Variants in MAP3K4 observed in about 807,000 individuals in gnomAD.
MAP3K4 encodes the protein MAP three kinase 1.
A neutral mutation model predicts 185.6 loss-of-function variants in MAP3K4; 67 were observed. The observed-to-expected ratio is 0.36, with a 90% confidence interval of 0.30 to 0.44. The LOEUF (loss-of-function observed/expected upper bound fraction) is 0.44, where lower values mean the gene tolerates loss of function less well. Among genes scored for constraint, MAP3K4 ranks in the 20% least tolerant of loss-of-function variants. MAP3K4 has a pLI of 1.00. For synonymous variants in MAP3K4, 702 were observed against 710.4 expected (o/e 0.99, Z 0.19); for missense variants, 1,551 against 1,995.1 (o/e 0.78, Z 4.24).
rs1333246116 is a variant in MAP3K4, at chr6:161,103,800, G to T, written c.3856+1021G>T. ...GCAGATTGGTTAAAATGCCATTGCAGAAATTCAGTATAAATAATACGATAC... is the reference window on the plus strand; with the variant it reads ...GCAGATTGGTTAAAATGCCATTGCATAAATTCAGTATAAATAATACGATAC... On this transcript the variant is annotated intron_variant, in intron 19 of 26. Coordinates refer to ENST00000392142, the MANE Select transcript of MAP3K4 (RefSeq NM_005922.4). The surrounding 1 kb of genome is among the most constrained non-coding windows in gnomAD (Gnocchi z 4.6). Among the ~76,000 whole-genome samples the T allele has an allele frequency of 3.3e-5, 5 of 152,196 alleles. No individual in the cohort carries two copies. The highest frequency in any genetic ancestry group is 5.9e-5 in the Non-Finnish European group (4 of 68,042).
At chr6:161,015,751 C>G (rs1207509458) in intron 1 of MAP3K4, among the ~76,000 whole-genome samples, 1 of 152,082 alleles carries the variant, frequency 6.6e-6, no homozygotes, top group Non-Finnish European at 1.5e-5. Flanking sequence ...GTAGCGCTTG[C>G]TAGCACTCAT....
rs1369665586 is a variant in MAP3K4 at position 161,038,772 on chromosome 6, T to C, written c.343+4323T>C. Among the ~76,000 whole-genome samples the C allele has an allele frequency of 2.7e-4, 41 of 152,226 alleles. 1 individual carries two copies. The highest frequency in any genetic ancestry group is 2.7e-3 in the Admixed American group (41 of 15,284). ...TTGGCTGGAAACATCCTGGCTTGGC[T>C]GGGGCCCTAAGTCTGAGCCCTCATT... is the stretch of plus-strand genomic sequence containing the variant. On this transcript the variant is annotated intron_variant, in intron 2 of 26. Transcript: ENST00000392142.
chr6:161,020,839 G>A (rs1382635268), intron 1 of MAP3K4, among the ~76,000 whole-genome samples: 4 of 152,094 alleles, frequency 2.6e-5, no homozygotes, highest in African/African-American at 7.2e-5. Context: ...ATGATACACT[G>A]TTAGACATTT....
chr6:161,030,774 T>G (rs1288175639), intron 1 of MAP3K4, among the ~76,000 whole-genome samples: 1 of 152,218 alleles, frequency 6.6e-6, no homozygotes, highest in Admixed American at 6.5e-5. Context: ...GCTAGACTCT[T>G]TTTAAAAGAA....
At position 161,106,729 on chromosome 6, in the gene MAP3K4, G is replaced by A. The variant is rs376419999; in HGVS notation, c.4048+24G>A. 1.7e-5 allele frequency: 26 copies of A among 1,573,700 alleles called. No homozygotes were observed. Among genetic ancestry groups the A allele is most frequent in the Admixed American group, 3.5e-5 (2 of 57,760 alleles). On this transcript the variant is annotated intron_variant, in intron 20 of 26. Coordinates refer to ENST00000392142, the MANE Select transcript of MAP3K4 (RefSeq NM_005922.4). The surrounding 1 kb of genome is among the most constrained non-coding windows in gnomAD (Gnocchi z 4.9). ...TGGTAAGGAAATTAAGGAGCATGAT[G>A]TCAAGATAGTCCCTGTTAGAAGTAG...
rs888016053 is a variant in MAP3K4 at position 161,022,135 on chromosome 6, A to G, written c.153-12124A>G. The G allele has an allele frequency of 6.6e-6, 1 of 152,218 alleles. No homozygotes were observed. The highest frequency in any genetic ancestry group is 1.5e-5 in the Non-Finnish European group (1 of 68,026). 9.4% of individuals were successfully genotyped at this position (152,218 alleles called of 1,614,324 possible). A position where few individuals can be genotyped will look rare whatever the true frequency, so the allele number is the denominator to read the frequency against. On this transcript the variant is annotated intron_variant, in intron 1 of 26. Transcript: ENST00000392142. This position sits in a 1 kb window ranked among gnomAD's most constrained non-coding sequence, Gnocchi z 4.2. ...CCGGCACACACCCAGGCTCATGTGA[A>G]AGGAACGGAGACTCAAGCCTGATCT...
At position 161,034,897 on chromosome 6, in the gene MAP3K4, T is replaced by G. The variant is rs1273104493; in HGVS notation, c.343+448T>G. Among the ~76,000 whole-genome samples the G allele has an allele frequency of 6.6e-6, 1 of 152,142 alleles. No homozygotes were observed. Among genetic ancestry groups the G allele is most frequent in the Non-Finnish European group, 1.5e-5 (1 of 68,024 alleles). On this transcript the variant is annotated intron_variant, in intron 2 of 26. Coordinates refer to ENST00000392142, the MANE Select transcript of MAP3K4 (RefSeq NM_005922.4). The surrounding 1 kb of genome is among the most constrained non-coding windows in gnomAD (Gnocchi z 4.4). ...TCTCTGCTGGTGCCCCGGGGTGCTA[T>G]CTTTAGTGTGTAGGGCTCTCTTTTT... is the stretch of plus-strand genomic sequence containing the variant.
At position 161,106,519 on chromosome 6, in the gene MAP3K4, G is replaced by A; in HGVS notation, c.3862G>A (p.Ala1288Thr). 1 of 1,606,536 alleles carries A rather than the reference G, an allele frequency of 6.2e-7. No individual in the cohort carries two copies. Among genetic ancestry groups the A allele is most frequent in the African/African-American group, 1.3e-5 (1 of 74,474 alleles). ...GGTTTTGGTTCTCTCTGCAGATACTGCTTCTAAACTAGGACCCATAGAAGC... is the reference window on the plus strand; with the variant it reads ...GGTTTTGGTTCTCTCTGCAGATACTACTTCTAAACTAGGACCCATAGAAGC... ...RTLISQSKDT[A>T]SKLGPIEAIQ... Residue 1288 changes from alanine (A) to threonine (T), a missense_variant, in exon 20 of 27, where the codon GCT (alanine) becomes ACT (threonine). Transcript: ENST00000392142. The surrounding 1 kb of genome is among the most constrained non-coding windows in gnomAD (Gnocchi z 4.9).
In MAP3K4 at chr6:161,107,442, G is replaced by C. The variant is rs1351322461; in HGVS notation, c.4049-457G>C. Among the ~76,000 whole-genome samples the C allele has an allele frequency of 1.3e-5, 2 of 152,104 alleles. No individual in the cohort carries two copies. Among genetic ancestry groups the C allele is most frequent in the African/African-American group, 4.8e-5 (2 of 41,416 alleles). ...GTCTTGTCCAGGCACATATCCTCTT[G>C]CTTTAATGTCCCAGAAGGTATGTTA... On this transcript the variant is annotated intron_variant, in intron 20 of 26. Coordinates refer to ENST00000392142, the MANE Select transcript of MAP3K4 (RefSeq NM_005922.4). This position sits in a 1 kb window ranked among gnomAD's most constrained non-coding sequence, Gnocchi z 6.2.
Position 161,102,679 on chromosome 6 carries a change from A to G in MAP3K4, c.3776-20A>G, listed in dbSNP as rs756929341. On this transcript the variant is annotated intron_variant, in intron 18 of 26. Transcript: ENST00000392142. ...ATTTATTTCATAAATCTTAATTTGT[A>G]TAAAAATAACTTCCTGCAGAACCAG... is the stretch of plus-strand genomic sequence containing the variant. The G allele has an allele frequency of 2.0e-6, 3 of 1,499,094 alleles. No individual in the cohort carries two copies. The highest frequency in any genetic ancestry group is 1.3e-5 in the South Asian group (1 of 79,664). The allele number at this position is 1,499,094 out of a possible 1,614,324, so 92.9% of individuals were successfully genotyped here.
At chr6:161,038,284 C>T (rs1783277336) in intron 2 of MAP3K4, among the ~76,000 whole-genome samples, 2 of 152,170 alleles carry the variant, frequency 1.3e-5, no homozygotes, top group Admixed American at 1.3e-4. Flanking sequence ...AAGACCTGGG[C>T]TTGGGAAGAC....
At position 161,034,316 on chromosome 6, in the gene MAP3K4, C is replaced by T. The variant is rs768724331; in HGVS notation, c.210C>T (p.Asp70=). The T allele has an allele frequency of 1.2e-6, 2 of 1,614,022 alleles. No individual in the cohort carries two copies. Among genetic ancestry groups the T allele is most frequent in the South Asian group, 1.1e-5 (1 of 91,074 alleles). ...AGAGTCCTGAATCTGATCTAGAAGA[C>T]TTCTCCGATGAAACAAATACAGAGA... is the stretch of plus-strand genomic sequence containing the variant. The part of the protein sequence containing the change: ...ACKSPESDLE[D]FSDETNTENL... The change falls in exon 2 of 27, where the codon GAC becomes GAT. Residue 70 remains aspartate (D), a synonymous_variant. Transcript: ENST00000392142. The surrounding 1 kb of genome is among the most constrained non-coding windows in gnomAD (Gnocchi z 4.4).
At chr6:161,050,060 CT>C in intron 3 of MAP3K4, 81 bp downstream of exon 3, 1 of 1,343,448 alleles carries the variant, frequency 7.4e-7, no homozygotes, top group African/African-American at 1.5e-5. Flanking sequence ...GTGTTATGTA[CT>C]TTCATATTCT....
Position 161,096,486 on chromosome 6 carries a change from A to G in MAP3K4, c.3428-594A>G, listed in dbSNP as rs1302899083. Among the ~76,000 whole-genome samples the G allele has an allele frequency of 1.3e-5, 2 of 152,202 alleles. No individual in the cohort carries two copies. Among genetic ancestry groups the G allele is most frequent in the Admixed American group, 1.3e-4 (2 of 15,282 alleles). On this transcript the variant is annotated intron_variant, in intron 15 of 26. Transcript: ENST00000392142. The surrounding 1 kb of genome is among the most constrained non-coding windows in gnomAD (Gnocchi z 4.9). ...TCAGCATATTTGTAATCACTAGGTA[A>G]GATCTCTAATTTTAAATTTTATCTA...
intron 15 of MAP3K4, among the ~76,000 whole-genome samples, chr6:161,094,319 A>G (rs750086594): frequency 4.6e-5 from 7 of 152,170 alleles, no homozygotes; most frequent in Non-Finnish European, 8.8e-5. Context: ...AGCTGTAGTA[A>G]ATTCTGATTT....
intron 1 of MAP3K4, among the ~76,000 whole-genome samples, chr6:161,028,195 T>C (rs1013380852): frequency 3.3e-5 from 5 of 152,240 alleles, no homozygotes; most frequent in African/African-American, 1.2e-4. Context: ...GCTGCCACAG[T>C]ATATTTTTTT....
At position 161,084,502 on chromosome 6, in the gene MAP3K4, G is replaced by A; in HGVS notation, c.2257G>A (p.Asp753Asn). ...GEAQAGKLFCDIAGMLLKSTG... is the reference protein window; with the variant it reads ...GEAQAGKLFCNIAGMLLKSTG... ...TTATTTTTATTTTTGTTCCCTTAGT[G>A]ACATTGCAGGAATGCTGCTGAAATC... The change falls in exon 7 of 27, where the codon GAC becomes AAC. Residue 753 changes from aspartate to asparagine, a missense_variant and splice_region_variant. By Grantham distance (23) the Asp-to-Asn change is conservative (BLOSUM62 1). Coordinates refer to ENST00000392142, the MANE Select transcript of MAP3K4 (RefSeq NM_005922.4). This position sits in a 1 kb window ranked among gnomAD's most constrained non-coding sequence, Gnocchi z 4.6. 1 of 1,391,258 alleles carries A rather than the reference G, an allele frequency of 7.2e-7. No homozygotes were observed. Among genetic ancestry groups the A allele is most frequent in the Non-Finnish European group, 1.0e-6 (1 of 976,626 alleles). The allele number at this position is 1,391,258 out of a possible 1,614,324, so 86.2% of individuals were successfully genotyped here. A position where few individuals can be genotyped will look rare whatever the true frequency, so the allele number is the denominator to read the frequency against.
intron 25 of MAP3K4, among the ~76,000 whole-genome samples, chr6:161,113,240 A>G (rs1055442097): frequency 2.0e-5 from 3 of 152,234 alleles, no homozygotes; most frequent in African/African-American, 4.8e-5. Context: ...GGAACCTTCA[A>G]TGCATGTGGC....
rs1784742307 is a variant in MAP3K4, at chr6:161,067,030, C to T, written c.1708-3578C>T. On this transcript the variant is annotated intron_variant, in intron 3 of 26. Coordinates refer to ENST00000392142, the MANE Select transcript of MAP3K4 (RefSeq NM_005922.4). This position sits in a 1 kb window ranked among gnomAD's most constrained non-coding sequence, Gnocchi z 6.3. Reference sequence around the variant, plus strand: ...GCATTTACAGCGTCTAAAGCCTTTACTTACACATACCTTAAGCTGTTAACC... The same window carrying T: ...GCATTTACAGCGTCTAAAGCCTTTATTTACACATACCTTAAGCTGTTAACC... Among the ~76,000 whole-genome samples, 1 of 152,216 alleles carries T rather than the reference C, an allele frequency of 6.6e-6. No individual in the cohort carries two copies. The highest frequency in any genetic ancestry group is 1.5e-5 in the Non-Finnish European group (1 of 68,044).
Sources: gnomAD v4.1 joint callset for allele counts (sites outside exome capture counted in the v4.1 genomes callset) on GRCh38, gnomAD v4.1.1 for gene constraint, Gnocchi (gnomAD v3.1) non-coding constraint, MANE v1.5 for transcripts, NCBI Gene and HGNC (gene_info 2026-07-23, HGNC 2026-07-21) for gene names.